ABHD10: variants seen among roughly 807,000 people sequenced by gnomAD.
ABHD10 encodes palmitoyl-protein thioesterase ABHD10, mitochondrial.
ABHD10 carries 22 observed loss-of-function variants against 33.1 expected under a neutral mutation model. The ratio of observed to expected loss-of-function variants is 0.66; its 90% CI spans 0.47 to 0.95. The LOEUF (loss-of-function observed/expected upper bound fraction) is 0.95. Among genes scored for constraint, ABHD10 ranks in the 40% least tolerant of loss-of-function variants. The probability of loss-of-function intolerance (pLI) is 0.00; values close to 1 mark genes in which losing one functional copy is unlikely to be tolerated. For missense variants in ABHD10, 352 were observed against 379.9 expected (o/e 0.93, Z 0.61); for synonymous variants, 146 against 133.9 (o/e 1.09, Z -0.62).
chr3:111,980,625 TGGG>T (rs2072571511), intron 1 of ABHD10, among the ~76,000 whole-genome samples: 1 of 152,160 alleles, frequency 6.6e-6, no homozygotes, highest in African/African-American at 2.4e-5. Flanking sequence ...GATTTTATAA[TGGG>T]GGAAAATTTG....
chr3:111,981,963 A>G lies in ABHD10; in HGVS notation c.322A>G (p.Ile108Val), dbSNP rs768571210. 27 of 1,546,142 alleles carry G rather than the reference A, an allele frequency of 1.7e-5. No individual in the cohort carries two copies. Among genetic ancestry groups the G allele is most frequent in the African/African-American group, 6.7e-5 (5 of 74,096 alleles). The change falls in exon 2 of 5, where the codon ATA (isoleucine) becomes GTA (valine). Residue 108 changes from isoleucine (I) to valine (V), a missense_variant. Ile to Val is a conservative substitution (Grantham distance 29). Transcript: ENST00000273359. ...TTGCAAATCTCTAGGTCACGCCTGC[A>G]TAAGGTAGGAACAACACATTACTGA... The part of the protein sequence containing the change: ...EFCKSLGHAC[I>V]RFDYSGVGSS...
rs182481416 is a variant in ABHD10, at chr3:111,992,433, A to G, written c.*712A>G. 690 of 151,914 alleles carry G rather than the reference A, an allele frequency of 4.5e-3. 3 individuals are homozygous for G. Among genetic ancestry groups the G allele is most frequent in the African/African-American group, 0.016 (669 of 41,492 alleles). 9.4% of individuals were successfully genotyped at this position (151,914 alleles called of 1,614,324 possible). ...ATTCTGATTGGTAAAATTAAAGAGG[A>G]AATTAATCTTTATATATTATTTCTT... On this transcript the variant is annotated 3_prime_UTR_variant, in exon 5 of 5. Transcript: ENST00000273359.
At chr3:111,988,983 C>T (rs1013482469) in intron 4 of ABHD10, among the ~76,000 whole-genome samples, 1 of 152,156 alleles carries the variant, frequency 6.6e-6, no homozygotes, top group African/African-American at 2.4e-5. Context: ...ATCTGCAAAT[C>T]AAGGCATTTT....
At chr3:111,982,007 A>T (rs1162814822) in intron 2 of ABHD10, 40 bp downstream of exon 2, 1 of 1,395,744 alleles carries the variant, frequency 7.2e-7, no homozygotes, top group African/African-American at 1.4e-5. Flanking sequence ...TGCTACTGTT[A>T]GCATTACAGT....
chr3:111,991,758 C>T lies in ABHD10; in HGVS notation c.*37C>T, dbSNP rs371634975. 4 of 1,487,940 alleles carry T rather than the reference C, an allele frequency of 2.7e-6. No individual in the cohort carries two copies. In the African/African-American group the frequency reaches 4.2e-5, roughly 16 times the overall value. 92.2% of individuals were successfully genotyped at this position (1,487,940 alleles called of 1,614,324 possible). A position where few individuals can be genotyped will look rare whatever the true frequency, so the allele number is the denominator to read the frequency against. On this transcript the variant is annotated 3_prime_UTR_variant, in exon 5 of 5. Coordinates refer to ENST00000273359, the MANE Select transcript of ABHD10 (RefSeq NM_018394.4). ...TAGTTGGTATGTAAACTAATGTATC[C>T]AGAAGATTGGAAGAGGGATAAGAAA... is the stretch of plus-strand genomic sequence containing the variant.
intron 1 of ABHD10, among the ~76,000 whole-genome samples, chr3:111,980,413 CTT>C (rs1388601987): frequency 6.6e-6 from 1 of 152,082 alleles, no homozygotes; most frequent in Non-Finnish European, 1.5e-5. Context: ...ATGGGGAAAA[CTT>C]TAGCAGCACA....
At chr3:111,987,811 G>A (rs1452789311) in intron 4 of ABHD10, among the ~76,000 whole-genome samples, 1 of 152,082 alleles carries the variant, frequency 6.6e-6, no homozygotes, top group Non-Finnish European at 1.5e-5. Context: ...CTTTGTTTTA[G>A]CCTAAAAGCA....
At chr3:111,979,706 A>T (rs2072555473) in intron 1 of ABHD10, among the ~76,000 whole-genome samples, 1 of 152,200 alleles carries the variant, frequency 6.6e-6, no homozygotes, top group South Asian at 2.1e-4. Flanking sequence ...AACCATAATC[A>T]TTATTGCACA....
chr3:111,988,652 C>T (rs1267352394), intron 4 of ABHD10, among the ~76,000 whole-genome samples: 2 of 152,080 alleles, frequency 1.3e-5, no homozygotes, highest in African/African-American at 4.8e-5. Flanking sequence ...TGCAGTGGTG[C>T]AGTCATTGCT....
intron 1 of ABHD10, among the ~76,000 whole-genome samples, chr3:111,981,518 T>C (rs937892940): frequency 1.3e-5 from 2 of 152,156 alleles, no homozygotes; most frequent in African/African-American, 4.8e-5. Context: ...TTTTGTTGTC[T>C]TGAAATTCCT....
intron 2 of ABHD10, chr3:111,982,326 T>C (rs2289596): frequency 0.21 from 34,109 of 164,582 alleles, 3,646 homozygotes; most frequent in Middle Eastern, 0.29. Context: ...ATTTGATCAC[T>C]GTTTATCTAA....
intron 4 of ABHD10, 69 bp from the exon 5 acceptor site, chr3:111,991,308 A>T: frequency 7.4e-7 from 1 of 1,342,888 alleles, no homozygotes; most frequent in Non-Finnish European, 1.0e-6. Context: ...TAGATTACTT[A>T]AAACTATTGC....
chr3:111,987,488 T>C (rs2072682458), intron 4 of ABHD10, among the ~76,000 whole-genome samples: 1 of 152,176 alleles, frequency 6.6e-6, no homozygotes, highest in Non-Finnish European at 1.5e-5. Flanking sequence ...TCCCTTGGTA[T>C]CTGAAGGGGA....
intron 2 of ABHD10, 41 bp downstream of exon 2, chr3:111,982,008 G>A (rs1326205727): frequency 7.2e-7 from 1 of 1,381,122 alleles, no homozygotes; most frequent in Admixed American, 2.1e-5. Context: ...GCTACTGTTA[G>A]CATTACAGTG....
rs575719068 is a variant in ABHD10 at position 111,986,983 on chromosome 3, G to A, written c.508G>A (p.Val170Met). ...HAAIARPEKV[V>M]ALIGVATAAD... ...TGCAATTGCACGACCAGAGAAGGTC[G>A]TGGCTCTTATTGGTGTAGCTACAGC... The change falls in exon 4 of 5, where the codon GTG (valine) becomes ATG (methionine). Residue 170 changes from valine (V) to methionine (M), a missense_variant. Transcript: ENST00000273359. 1.9e-5 allele frequency: 31 copies of A among 1,613,474 alleles called. No individual in the cohort carries two copies. Among genetic ancestry groups the A allele is most frequent in the East Asian group, 4.5e-5 (2 of 44,840 alleles).
chr3:111,992,441 C>G lies in ABHD10; in HGVS notation c.*720C>G, dbSNP rs1200547496. 6.6e-6 allele frequency: 1 copy of G among 151,494 alleles called. No individual in the cohort carries two copies. 9.4% of individuals were successfully genotyped at this position (151,494 alleles called of 1,614,324 possible). A position where few individuals can be genotyped will look rare whatever the true frequency, so the allele number is the denominator to read the frequency against. On this transcript the variant is annotated 3_prime_UTR_variant, in exon 5 of 5. Transcript: ENST00000273359. ...TGGTAAAATTAAAGAGGAAATTAAT[C>G]TTTATATATTATTTCTTGCAGAAAC... is the stretch of plus-strand genomic sequence containing the variant.
chr3:111,979,291 C>A, intron 1 of ABHD10, 88 bp downstream of exon 1: 2 of 1,423,520 alleles, frequency 1.4e-6, no homozygotes, highest in Non-Finnish European at 1.9e-6. Context: ...GCGTCTTTGG[C>A]GCCCGGTTCA....
chr3:111,984,944 G>A (rs935130609), intron 2 of ABHD10, among the ~76,000 whole-genome samples: 27 of 152,278 alleles, frequency 1.8e-4, no homozygotes, highest in African/African-American at 5.1e-4. Context: ...AAAAACAAAC[G>A]AATAAAACAG....
chr3:111,991,762 A>G lies in ABHD10; in HGVS notation c.*41A>G, dbSNP rs2072742664. 6.9e-7 allele frequency: 1 copy of G among 1,451,626 alleles called. No individual in the cohort carries two copies. The allele number at this position is 1,451,626 out of a possible 1,614,324, so 89.9% of individuals were successfully genotyped here. On this transcript the variant is annotated 3_prime_UTR_variant, in exon 5 of 5. Transcript: ENST00000273359. ...TGGTATGTAAACTAATGTATCCAGA[A>G]GATTGGAAGAGGGATAAGAAATGAA... is the stretch of plus-strand genomic sequence containing the variant.
Sources: gnomAD v4.1 joint callset for allele counts (sites outside exome capture counted in the v4.1 genomes callset) on GRCh38, gnomAD v4.1.1 for gene constraint, MANE v1.5 for transcripts, NCBI Gene and HGNC (gene_info 2026-07-23, HGNC 2026-07-21) for gene names.